The following SIPA1L1 variants were observed in gnomAD, a reference collection of about 807,000 sequenced individuals.
SIPA1L1 encodes signal-induced proliferation-associated 1-like protein 1.
A neutral mutation model predicts 162.7 loss-of-function variants in SIPA1L1; 26 were observed. That is an observed-to-expected ratio of 0.16 (90% confidence interval 0.12 to 0.22). SIPA1L1 has a LOEUF of 0.22. Ranked by LOEUF, SIPA1L1 falls within the 10% of genes least tolerant of loss-of-function variation. The pLI is 1.00. For synonymous variants in SIPA1L1, 829 were observed against 837.4 expected (o/e 0.99, Z 0.17); for missense variants, 1,874 against 2,241.0 (o/e 0.84, Z 3.31).
At chr14:71,650,582 C>G in intron 8 of SIPA1L1, 73 bp downstream of exon 8, 5 of 1,413,974 alleles carry the variant, frequency 3.5e-6, no homozygotes, top group Non-Finnish European at 4.9e-6. Flanking sequence ...GCTAAATTAT[C>G]CGTAAAGCAA....
chr14:71,431,159 C>A (rs1477316418), intron 2 of SIPA1L1, among the ~76,000 whole-genome samples: 1 of 152,128 alleles, frequency 6.6e-6, no homozygotes, highest in Non-Finnish European at 1.5e-5. Flanking sequence ...TTCTGCTTTT[C>A]ATACAATCAG....
At chr14:71,414,329 A>C (rs1389843717) in intron 2 of SIPA1L1, among the ~76,000 whole-genome samples, 2 of 152,196 alleles carry the variant, frequency 1.3e-5, no homozygotes, top group African/African-American at 4.8e-5. Context: ...CAGTGAGCCG[A>C]GATTGTGCCA....
intron 12 of SIPA1L1, among the ~76,000 whole-genome samples, chr14:71,680,018 G>T (rs965425999): frequency 7.9e-5 from 12 of 152,034 alleles, no homozygotes; most frequent in East Asian, 3.9e-4. Flanking sequence ...ACATTAGACA[G>T]ATCGAGACAG....
chr14:71,358,610 C>T (rs909172687), intron 2 of SIPA1L1, among the ~76,000 whole-genome samples: 1 of 152,160 alleles, frequency 6.6e-6, no homozygotes, highest in Admixed American at 6.5e-5. Flanking sequence ...TTCTTAACAG[C>T]CTGTCCTTTT....
intron 5 of SIPA1L1, among the ~76,000 whole-genome samples, chr14:71,614,790 G>A (rs1424697519): frequency 1.3e-5 from 2 of 152,112 alleles, no homozygotes; most frequent in Non-Finnish European, 2.9e-5. Context: ...GTCAGGTTTT[G>A]ATAATGACAC....
At chr14:71,713,009 C>T (rs1034752317) in intron 17 of SIPA1L1, among the ~76,000 whole-genome samples, 3 of 152,136 alleles carry the variant, frequency 2.0e-5, no homozygotes, top group Non-Finnish European at 4.4e-5. Context: ...TTTGCATAGG[C>T]CGTGCCAACA....
At chr14:71,460,460 G>T (rs943909641) in intron 2 of SIPA1L1, among the ~76,000 whole-genome samples, 6 of 152,128 alleles carry the variant, frequency 3.9e-5, no homozygotes, top group African/African-American at 9.7e-5. Context: ...TACCTTTGTT[G>T]TGGAGTAGTA....
chr14:71,679,633 G>A (rs756478881), intron 12 of SIPA1L1, among the ~76,000 whole-genome samples: 1 of 152,190 alleles, frequency 6.6e-6, no homozygotes, highest in Non-Finnish European at 1.5e-5. Context: ...AAAAGACACA[G>A]ACTGGCAAAT....
intron 7 of SIPA1L1, among the ~76,000 whole-genome samples, chr14:71,627,131 CTTTTTTTTTTTTTTTTTTTTTTTTTT>C (rs71105788): frequency 6.6e-4 from 32 of 48,788 alleles, no homozygotes; most frequent in South Asian, 4.6e-3. Flanking sequence ...ACTTTCACTA[CTTTTTTTTTTTTTTTTTTTTTTTTTT>C]TTTTTTTTTT....
In SIPA1L1 at chr14:71,713,993, C is replaced by T. The variant is rs117923669; in HGVS notation, c.4208+4329C>T. On this transcript the variant is annotated intron_variant, in intron 17 of 23. Coordinates refer to ENST00000381232, the MANE Select transcript of SIPA1L1 (RefSeq NM_001386936.1). ...CTAACTCAGAATATGAAAATTCACCCTCTAAAATAACAAAACCAGAACTTC... is the reference window on the plus strand; with the variant it reads ...CTAACTCAGAATATGAAAATTCACCTTCTAAAATAACAAAACCAGAACTTC... 4.3e-3 allele frequency among the ~76,000 whole-genome samples: 651 copies of T among 152,198 alleles called. 4 individuals are homozygous for T. Among genetic ancestry groups the T allele is most frequent in the Non-Finnish European group, 6.1e-3 (415 of 68,008 alleles).
chr14:71,646,916 A>G (rs2042219648), intron 7 of SIPA1L1, among the ~76,000 whole-genome samples: 1 of 152,202 alleles, frequency 6.6e-6, no homozygotes, highest in Admixed American at 6.5e-5. Flanking sequence ...ATACTGTTTT[A>G]TATAACCTCA....
chr14:71,661,437 A>G lies in SIPA1L1; in HGVS notation c.2225A>G (p.His742Arg). ...CACGTTTTCGTCATCGTCAGGGTGC[A>G]CAATCCGTGCTCTGACAGTGTCTGT... ...FQHVFVIVRV[H>R]NPCSDSVCYS... The change falls in exon 10 of 24, where the codon CAC becomes CGC. Residue 742 changes from histidine (H) to arginine (R), a missense_variant. Transcript: ENST00000381232. 2 of 1,614,068 alleles carry G rather than the reference A, an allele frequency of 1.2e-6. No individual in the cohort carries two copies. The highest frequency in any genetic ancestry group is 2.2e-5 in the South Asian group (2 of 91,082).
chr14:71,624,445 AAAT>A (rs1567337623), intron 7 of SIPA1L1, among the ~76,000 whole-genome samples: 1 of 152,228 alleles, frequency 6.6e-6, no homozygotes, highest in Non-Finnish European at 1.5e-5. Context: ...CAGAATTTAT[AAAT>A]AAGGCACTTT....
chr14:71,404,562 TTTCCCC>T (rs2041911959), intron 2 of SIPA1L1, among the ~76,000 whole-genome samples: 1 of 152,156 alleles, frequency 6.6e-6, no homozygotes, highest in Admixed American at 6.5e-5. Context: ...AAGAACCATT[TTTCCCC>T]TTCAAGTTTA....
intron 4 of SIPA1L1, among the ~76,000 whole-genome samples, chr14:71,582,043 A>G (rs1413099716): frequency 2.6e-5 from 4 of 152,118 alleles, no homozygotes; most frequent in Admixed American, 6.6e-5. Context: ...TCAATTTACT[A>G]CTTACCAATT....
chr14:71,708,642 G>A (rs1197071428), intron 16 of SIPA1L1, among the ~76,000 whole-genome samples: 1 of 151,930 alleles, frequency 6.6e-6, no homozygotes, highest in Non-Finnish European at 1.5e-5. Flanking sequence ...ATTCTTTTTT[G>A]CATGTGAATA....
At chr14:71,438,028 C>G (rs1402298793) in intron 2 of SIPA1L1, among the ~76,000 whole-genome samples, 2 of 152,098 alleles carry the variant, frequency 1.3e-5, no homozygotes, top group African/African-American at 4.8e-5. Context: ...CCCTTGTTAT[C>G]TCCTTACATT....
At chr14:71,614,052 T>G (rs760133859) in intron 5 of SIPA1L1, among the ~76,000 whole-genome samples, 5 of 151,918 alleles carry the variant, frequency 3.3e-5, no homozygotes, top group Non-Finnish European at 7.4e-5. Flanking sequence ...ATAGAAAAAT[T>G]AGCTAGGCGT....
At chr14:71,405,500 T>C (rs1022914320) in intron 2 of SIPA1L1, among the ~76,000 whole-genome samples, 1 of 152,218 alleles carries the variant, frequency 6.6e-6, no homozygotes, top group Non-Finnish European at 1.5e-5. Flanking sequence ...GTCTTTCTTC[T>C]GGATGATCTT....
Sources: gnomAD v4.1 joint callset for allele counts (sites outside exome capture counted in the v4.1 genomes callset) on GRCh38, gnomAD v4.1.1 for gene constraint, MANE v1.5 for transcripts, NCBI Gene and HGNC (gene_info 2026-07-23, HGNC 2026-07-21) for gene names.